Variants in WBP4 observed in about 807,000 individuals in gnomAD.
WBP4 encodes WW domain binding protein 4, also known as WW domain-binding protein 4.
In WBP4, 37 loss-of-function variants were observed where a neutral mutation model predicts 55.4. The observed-to-expected ratio is 0.67, with a 90% confidence interval of 0.51 to 0.88. The LOEUF (loss-of-function observed/expected upper bound fraction) is 0.88, where lower values mean the gene tolerates loss of function less well. Ranked by LOEUF, WBP4 falls within the 40% of genes least tolerant of loss-of-function variation. The pLI, the probability that WBP4 is intolerant of heterozygous loss-of-function variation, is 0.00. For missense variants in WBP4, 398 were observed against 420.8 expected (o/e 0.95, Z 0.47); for synonymous variants, 142 against 140.2 (o/e 1.01, Z -0.09).
intron 8 of WBP4, among the ~76,000 whole-genome samples, chr13:41,077,777 C>T (rs1280543482): frequency 1.3e-5 from 2 of 152,102 alleles, no homozygotes; most frequent in Non-Finnish European, 2.9e-5. Context: ...TGATAAGTGA[C>T]TTCAGTCATG....
Position 41,065,422 on chromosome 13 carries a change from T to C in WBP4, c.262+135T>C. On this transcript the variant is annotated intron_variant, in intron 4 of 9. Transcript: ENST00000379487. ...CTCTCAGTGCTTTTATTATGCATCA[T>C]AGCCCTGTTTAGACTATGGAAGTTT... The C allele has an allele frequency of 1.2e-5, 15 of 1,244,132 alleles. No homozygotes were observed. In the South Asian group the frequency reaches 2.7e-4, roughly 23 times the overall value. The allele number at this position is 1,244,132 out of a possible 1,614,324, so 77.1% of individuals were successfully genotyped here.
Position 41,062,623 on chromosome 13 carries a change from CTTG to C in WBP4, c.3-16_3-14del, listed in dbSNP as rs1187900359. ...TTTTTAAGTTTTACATGAGCTTAGC[CTTG>C]TTGTCTCTCTTTTTCAGGGCGGACT... On this transcript the variant is annotated intron_variant, in intron 1 of 9. Coordinates refer to ENST00000379487, the MANE Select transcript of WBP4 (RefSeq NM_007187.5). The C allele has an allele frequency of 1.3e-5, 21 of 1,610,302 alleles. No homozygotes were observed. Among genetic ancestry groups the C allele is most frequent in the African/African-American group, 6.7e-5 (5 of 74,706 alleles).
intron 7 of WBP4, among the ~76,000 whole-genome samples, chr13:41,073,826 CTG>C (rs376336978): frequency 6.6e-6 from 1 of 152,116 alleles, no homozygotes; most frequent in Non-Finnish European, 1.5e-5. Flanking sequence ...AAAAATAAAA[CTG>C]AAGCTATTTA....
intron 4 of WBP4, 86 bp downstream of exon 4, chr13:41,065,373 T>G: frequency 2.7e-6 from 4 of 1,460,732 alleles, no homozygotes; most frequent in Non-Finnish European, 3.6e-6. Context: ...ATTGCTTCCA[T>G]AAAGAGGTTA....
chr13:41,072,215 T>C (rs1015943052), intron 6 of WBP4, among the ~76,000 whole-genome samples: 1 of 152,104 alleles, frequency 6.6e-6, no homozygotes, highest in African/African-American at 2.4e-5. Flanking sequence ...GGTTCTTTAT[T>C]AGCAAAAACC....
chr13:41,065,262 T>C lies in WBP4; in HGVS notation c.237T>C (p.Asp79=). ...CTGCCCTGAAAGCATACCAAGAGGA[T>C]TTGAAAAGACTTGGCTTAGAGTCAG... ...EAAALKAYQE[D]LKRLGLESEI... The change falls in exon 4 of 10, where the codon GAT becomes GAC. Residue 79 remains aspartate (D), a synonymous_variant. Transcript: ENST00000379487. The C allele has an allele frequency of 6.3e-7, 1 of 1,595,868 alleles. No individual in the cohort carries two copies. The highest frequency in any genetic ancestry group is 1.1e-5 in the South Asian group (1 of 87,716).
At position 41,062,668 on chromosome 13, in the gene WBP4, A is replaced by G. The variant is rs760717107; in HGVS notation, c.27A>G (p.Pro9=). 11 of 1,613,954 alleles carry G rather than the reference A, an allele frequency of 6.8e-6. No homozygotes were observed. The highest frequency in any genetic ancestry group is 9.3e-6 in the Non-Finnish European group (11 of 1,179,894). Residue 9 remains proline (P), a synonymous_variant, in exon 2 of 10, where the codon CCA becomes CCG. Coordinates refer to ENST00000379487, the MANE Select transcript of WBP4 (RefSeq NM_007187.5). MADYWKSQ[P]KKFCDYCKCW... is the part of the protein sequence containing the mutation. The stretch of plus-strand genomic sequence containing the variant: ...GGGCGGACTACTGGAAGTCACAGCC[A>G]AAGAAATTCTGTGATTACTGCAAGT...
intron 8 of WBP4, among the ~76,000 whole-genome samples, chr13:41,078,948 A>G (rs1878629374): frequency 6.6e-6 from 1 of 152,196 alleles, no homozygotes; most frequent in African/African-American, 2.4e-5. Context: ...ACAAAAATAA[A>G]AATAGACAAA....
chr13:41,065,672 G>C (rs2766726), intron 4 of WBP4, among the ~76,000 whole-genome samples: 127,887 of 152,132 alleles, frequency 0.84, 54,890 homozygotes, highest in Non-Finnish European at 0.92. Flanking sequence ...TCCATATGGT[G>C]AAAATTATGA....
chr13:41,078,463 C>G (rs946902232), intron 8 of WBP4, among the ~76,000 whole-genome samples: 4 of 152,164 alleles, frequency 2.6e-5, no homozygotes, highest in African/African-American at 7.2e-5. Context: ...AACTGGACCC[C>G]TACCTCTAAC....
chr13:41,064,528 T>C (rs966427587), intron 2 of WBP4, among the ~76,000 whole-genome samples: 4 of 152,210 alleles, frequency 2.6e-5, no homozygotes, highest in African/African-American at 7.2e-5. Context: ...TGTTTGCTTA[T>C]AATTTACGAG....
At chr13:41,072,648 T>G in intron 6 of WBP4, 134 bp from the exon 7 acceptor site, 9 of 676,692 alleles carry the variant, frequency 1.3e-5, no homozygotes, top group Middle Eastern at 2.6e-4. Context: ...CTACATGAGA[T>G]TTGGGTGGGG....
At chr13:41,062,766 A>G in intron 2 of WBP4, 50 bp downstream of exon 2, 1 of 1,531,012 alleles carries the variant, frequency 6.5e-7, no homozygotes, top group Non-Finnish European at 8.9e-7. Context: ...TGTTGAATGA[A>G]GTGCTCCTTT....
At chr13:41,076,863 T>C (rs1008289798) in intron 8 of WBP4, among the ~76,000 whole-genome samples, 8 of 152,174 alleles carry the variant, frequency 5.3e-5, no homozygotes, top group Non-Finnish European at 2.9e-5. Context: ...GAGTAAGGGT[T>C]ATGTGCAGTT....
At chr13:41,070,336 G>C (rs775168933) in intron 5 of WBP4, among the ~76,000 whole-genome samples, 26 of 152,062 alleles carry the variant, frequency 1.7e-4, no homozygotes, top group Non-Finnish European at 4.4e-5. Context: ...GACTTCAGTA[G>C]ATAATTAAGA....
chr13:41,065,194 GA>G lies in WBP4; in HGVS notation c.171del (p.Glu58LysfsTer16). 1 of 1,610,764 alleles carries G rather than the reference GA, an allele frequency of 6.2e-7. No homozygotes were observed. Among genetic ancestry groups the G allele is most frequent in the Non-Finnish European group, 8.5e-7 (1 of 1,178,830 alleles). On this transcript the variant is annotated frameshift_variant, in exon 4 of 10. Transcript: ENST00000379487. LOFTEE classifies it high-confidence loss of function. ...IKQKSLDKAKEEEKASKEFAA... is the reference protein window; with the variant it reads ...IKQKSLDKAKXEEKASKEFAA... ...ACAGAAAAGCCTGGATAAGGCAAAG[GA>G]AGAAGAAAAGGCATCAAAGGAGTTT...
chr13:41,066,154 G>A (rs902058135), intron 4 of WBP4, among the ~76,000 whole-genome samples: 2 of 152,134 alleles, frequency 1.3e-5, no homozygotes, highest in African/African-American at 4.8e-5. Flanking sequence ...AAAGGAAAAA[G>A]GATTTAGGCA....
intron 2 of WBP4, among the ~76,000 whole-genome samples, chr13:41,064,042 T>C (rs1459273250): frequency 2.0e-5 from 3 of 151,948 alleles, no homozygotes; most frequent in Non-Finnish European, 4.4e-5. Context: ...AGTCATCTAG[T>C]GGCCATCACT....
At chr13:41,062,309 T>A (rs1471311135) in intron 1 of WBP4, 3 of 975,938 alleles carry the variant, frequency 3.1e-6, no homozygotes, top group Non-Finnish European at 3.7e-6. Context: ...AGGTTTCCAT[T>A]ACAGCAACCT....
Sources: allele counts gnomAD v4.1 joint callset (sites outside exome capture counted in the v4.1 genomes callset), GRCh38; gene constraint gnomAD v4.1.1; transcripts MANE v1.5; gene names NCBI Gene and HGNC (gene_info 2026-07-23, HGNC 2026-07-21).